SLC2A1: variants seen among roughly 807,000 people sequenced by gnomAD.
The protein encoded by SLC2A1 is solute carrier family 2 member 1.
Under a neutral mutation model 46.6 loss-of-function variants are expected in SLC2A1, and 4 were observed. That is an observed-to-expected ratio of 0.09 (90% CI 0.04 to 0.20). The LOEUF (loss-of-function observed/expected upper bound fraction) is 0.20, where lower values mean the gene tolerates loss of function less well. Ranked by LOEUF, SLC2A1 falls within the 10% of genes least tolerant of loss-of-function variation. The pLI is 1.00. For missense variants in SLC2A1, 352 were observed against 667.0 expected (o/e 0.53, Z 5.20); for synonymous variants, 253 against 270.0 (o/e 0.94, Z 0.62).
At chr1:42,928,652 G>A (rs1643453152) in intron 8 of SLC2A1, among the ~76,000 whole-genome samples, 1 of 152,162 alleles carries the variant, frequency 6.6e-6, no homozygotes, top group Non-Finnish European at 1.5e-5. Context: ...ATTGGAAAGG[G>A]TTAATATTAG....
intron 2 of SLC2A1, 99 bp from the exon 3 acceptor site, chr1:42,931,305 C>T: frequency 8.4e-7 from 1 of 1,190,980 alleles, no homozygotes. Flanking sequence ...AGGGCCAGGG[C>T]CTGGCTCTGC....
chr1:42,957,406 C>T (rs552017994), intron 1 of SLC2A1, among the ~76,000 whole-genome samples: 5 of 152,326 alleles, frequency 3.3e-5, no homozygotes, highest in African/African-American at 1.2e-4. Context: ...CCCAGCGCCA[C>T]CCCGCTCAGT....
chr1:42,947,146 C>T (rs190992072), intron 1 of SLC2A1, among the ~76,000 whole-genome samples: 116 of 152,292 alleles, frequency 7.6e-4, no homozygotes, highest in African/African-American at 2.7e-3. Flanking sequence ...GCAATGAAGT[C>T]CATTCACTCA....
At position 42,929,519 on chromosome 1, in the gene SLC2A1, T is replaced by C; in HGVS notation, c.867+74A>G. The C allele has an allele frequency of 6.9e-7, 1 of 1,440,354 alleles. No individual in the cohort carries two copies. Among genetic ancestry groups the C allele is most frequent in the East Asian group, 2.3e-5 (1 of 43,942 alleles). The allele number at this position is 1,440,354 out of a possible 1,614,324, so 89.2% of individuals were successfully genotyped here. A position where few individuals can be genotyped will look rare whatever the true frequency, so the allele number is the denominator to read the frequency against. ...AGAGGCGTATCTGTTGTTTCAAGTT[T>C]GGGACTTGTTCACCATGCACACTTG... On this transcript the variant is annotated intron_variant, in intron 6 of 9. Transcript: ENST00000426263. This position sits in a 1 kb window ranked among gnomAD's most constrained non-coding sequence, Gnocchi z 6.0.
intron 2 of SLC2A1, among the ~76,000 whole-genome samples, chr1:42,940,296 A>G (rs1370357524): frequency 6.6e-6 from 1 of 152,212 alleles, no homozygotes; most frequent in African/African-American, 2.4e-5. Context: ...AGTGGCCACA[A>G]GGCCACCATC....
intron 1 of SLC2A1, among the ~76,000 whole-genome samples, chr1:42,945,238 A>G (rs1261327061): frequency 6.6e-6 from 1 of 152,216 alleles, no homozygotes; most frequent in Non-Finnish European, 1.5e-5. Flanking sequence ...CAATGCAGTG[A>G]CATCAATCTA....
chr1:42,930,402 G>A lies in SLC2A1; in HGVS notation c.516+224C>T, dbSNP rs767658420. On this transcript the variant is annotated intron_variant, in intron 4 of 9. Coordinates refer to ENST00000426263, the MANE Select transcript of SLC2A1 (RefSeq NM_006516.4). This position sits in a 1 kb window ranked among gnomAD's most constrained non-coding sequence, Gnocchi z 6.2. ...TGGGGGAAGGCGGGCCCTGTGGTTGGAAGCCTAGAGTGAGAAGAAAGGGAC... is the reference window on the plus strand; with the variant it reads ...TGGGGGAAGGCGGGCCCTGTGGTTGAAAGCCTAGAGTGAGAAGAAAGGGAC... The A allele has an allele frequency of 1.5e-4, 111 of 729,618 alleles. No homozygotes were observed. Among genetic ancestry groups the A allele is most frequent in the Non-Finnish European group, 2.5e-4 (101 of 405,348 alleles). The allele number at this position is 729,618 out of a possible 1,614,324, so 45.2% of individuals were successfully genotyped here. A position where few individuals can be genotyped will look rare whatever the true frequency, so the allele number is the denominator to read the frequency against.
At chr1:42,941,750 C>T (rs1403943236) in intron 2 of SLC2A1, among the ~76,000 whole-genome samples, 2 of 152,240 alleles carry the variant, frequency 1.3e-5, no homozygotes. Context: ...GCCTGTCTTA[C>T]AGACTTTCCA....
chr1:42,948,681 C>A (rs1643683740), intron 1 of SLC2A1, among the ~76,000 whole-genome samples: 1 of 152,118 alleles, frequency 6.6e-6, no homozygotes, highest in Non-Finnish European at 1.5e-5. Flanking sequence ...ATAATCCCAG[C>A]ACTCTGGTAG....
At chr1:42,956,407 CAAAAAAA>C (rs71577684) in intron 1 of SLC2A1, among the ~76,000 whole-genome samples, 467 of 44,512 alleles carry the variant, frequency 0.01, 1 homozygote, top group African/African-American at 0.046. Flanking sequence ...ACTAAAACTA[CAAAAAAA>C]AAAAAAAAAA....
chr1:42,930,357 C>T lies in SLC2A1; in HGVS notation c.516+269G>A, dbSNP rs1019895406. 10 of 669,466 alleles carry T rather than the reference C, an allele frequency of 1.5e-5. No homozygotes were observed. The highest frequency in any genetic ancestry group is 2.7e-5 in the Non-Finnish European group (10 of 366,782). 41.5% of individuals were successfully genotyped at this position (669,466 alleles called of 1,614,324 possible). On this transcript the variant is annotated intron_variant, in intron 4 of 9. Coordinates refer to ENST00000426263, the MANE Select transcript of SLC2A1 (RefSeq NM_006516.4). This position sits in a 1 kb window ranked among gnomAD's most constrained non-coding sequence, Gnocchi z 6.2. ...AGCCTCCTGGAGAGAGGGTACTGTG[C>T]ATAACAGCCTGCGGCATGTTGGGGG...
At chr1:42,939,365 A>G (rs146396983) in intron 2 of SLC2A1, among the ~76,000 whole-genome samples, 1 of 152,346 alleles carries the variant, frequency 6.6e-6, no homozygotes, top group Non-Finnish European at 1.5e-5. Context: ...TTGCCCAAGA[A>G]ACACCGCTAG....
Position 42,927,632 on chromosome 1 carries a change from A to C in SLC2A1, c.1251T>G (p.Ile417Met). ...AGFSNWTSNF[I>M]VGMCFQYVEQ... The stretch of plus-strand genomic sequence containing the variant: ...CCACATACTGGAAGCACATGCCCAC[A>C]ATGAAATTTGAGGTCCAGTTGGAGA... The change falls in exon 9 of 10, where the codon ATT becomes ATG. Residue 417 changes from isoleucine to methionine, a missense_variant. Ile to Met is a conservative substitution (Grantham distance 10). Around this residue, in one of 5 missense-constraint regions of SLC2A1, gnomAD observed 35 missense variants for 107.2 expected, o/e 0.33. Coordinates refer to ENST00000426263, the MANE Select transcript of SLC2A1 (RefSeq NM_006516.4). This position sits in a 1 kb window ranked among gnomAD's most constrained non-coding sequence, Gnocchi z 5.3. 3.1e-6 allele frequency: 5 copies of C among 1,614,164 alleles called. No individual in the cohort carries two copies. The highest frequency in any genetic ancestry group is 4.2e-6 in the Non-Finnish European group (5 of 1,180,024).
intron 2 of SLC2A1, among the ~76,000 whole-genome samples, chr1:42,941,947 C>G (rs1158438494): frequency 1.3e-5 from 2 of 152,246 alleles, no homozygotes; most frequent in African/African-American, 4.8e-5. Flanking sequence ...GCCAAGCCTT[C>G]CTGGTGACTT....
chr1:42,958,501 G>A (rs2124478477), intron 1 of SLC2A1, 133 bp downstream of exon 1: 1 of 579,988 alleles, frequency 1.7e-6, no homozygotes, highest in Non-Finnish European at 2.4e-6. Context: ...CACCGAGCCA[G>A]GCTCGGAGAG....
At chr1:42,928,316 G>C (rs1329069913) in intron 8 of SLC2A1, among the ~76,000 whole-genome samples, 2 of 152,228 alleles carry the variant, frequency 1.3e-5, no homozygotes, top group Non-Finnish European at 2.9e-5. Context: ...CCAAGCCCAG[G>C]TTGAGCTGTA....
chr1:42,938,183 T>A (rs761584061), intron 2 of SLC2A1, among the ~76,000 whole-genome samples: 5 of 151,952 alleles, frequency 3.3e-5, no homozygotes, highest in Non-Finnish European at 7.4e-5. Context: ...TGGTCAGGAT[T>A]CCCTGGTTCA....
chr1:42,932,639 C>T (rs1010320773), intron 2 of SLC2A1, among the ~76,000 whole-genome samples: 1 of 152,140 alleles, frequency 6.6e-6, no homozygotes, highest in Non-Finnish European at 1.5e-5. Flanking sequence ...CAGCCTCCAT[C>T]ACTGCTGTTG....
chr1:42,946,354 T>C (rs972029035), intron 1 of SLC2A1, among the ~76,000 whole-genome samples: 1 of 152,292 alleles, frequency 6.6e-6, no homozygotes, highest in Middle Eastern at 3.4e-3. Flanking sequence ...CTAGGTCTCA[T>C]GCTAAGTAGA....
Sources: gnomAD v4.1 joint callset for allele counts (sites outside exome capture counted in the v4.1 genomes callset) on GRCh38, gnomAD v4.1.1 for gene constraint, gnomAD v4.1.1 regional missense constraint, Gnocchi (gnomAD v3.1) non-coding constraint, MANE v1.5 for transcripts, NCBI Gene and HGNC (gene_info 2026-07-23, HGNC 2026-07-21) for gene names.